The following TNKS variants were observed in gnomAD, a reference collection of about 807,000 sequenced individuals.
The protein encoded by TNKS is tankyrase.
In TNKS, 72 loss-of-function variants were observed where a neutral mutation model predicts 135.8. That is an observed-to-expected ratio of 0.53 (90% CI 0.44 to 0.64). The LOEUF is 0.64. Ranked by LOEUF, TNKS falls within the 30% of genes least tolerant of loss-of-function variation. TNKS has a pLI of 0.00. For missense variants in TNKS, 1,769 were observed against 1,674.0 expected, an observed-to-expected ratio of 1.06 and a Z score of -0.99; for synonymous variants, 849 against 649.3, an observed-to-expected ratio of 1.31 and a Z score of -4.68.
intron 12 of TNKS, among the ~76,000 whole-genome samples, chr8:9,725,106 C>G (rs552271076): frequency 2.6e-5 from 4 of 152,232 alleles, no homozygotes; most frequent in African/African-American, 9.6e-5. Context: ...AGCATCTTAC[C>G]TATAAATGCG....
At chr8:9,729,437 T>C (rs946867490) in intron 13 of TNKS, among the ~76,000 whole-genome samples, 6 of 152,226 alleles carry the variant, frequency 3.9e-5, no homozygotes, top group Non-Finnish European at 5.9e-5. Context: ...AATCGTCCTT[T>C]ATAGCCTAGA....
At chr8:9,597,398 G>A (rs1798830196) in intron 2 of TNKS, among the ~76,000 whole-genome samples, 1 of 152,204 alleles carries the variant, frequency 6.6e-6, no homozygotes, top group East Asian at 1.9e-4. Context: ...GTGAAGGGCT[G>A]ACATTCCCAT....
At position 9,580,333 on chromosome 8, in the gene TNKS, A is replaced by C. The variant is rs1427960915; in HGVS notation, c.848A>C (p.Tyr283Ser). 1.2e-6 allele frequency: 2 copies of C among 1,614,170 alleles called. No individual in the cohort carries two copies. The highest frequency in any genetic ancestry group is 1.7e-6 in the Non-Finnish European group (2 of 1,180,036). ...ADPNARDNWN[Y>S]TPLHEAAIKG... Reference sequence around the variant, plus strand: ...CCAAATGCCAGGGATAACTGGAACTATACACCTCTGCATGAAGCTGCTATT... The same window carrying C: ...CCAAATGCCAGGGATAACTGGAACTCTACACCTCTGCATGAAGCTGCTATT... The change falls in exon 2 of 27, where the codon TAT (tyrosine) becomes TCT (serine). Residue 283 changes from tyrosine to serine, a missense_variant. This residue lies in a region of TNKS where 523 missense variants were observed against 541.0 expected (regional missense o/e 0.97). Transcript: ENST00000310430.
chr8:9,611,450 TGTG>T (rs1361124653), intron 2 of TNKS, among the ~76,000 whole-genome samples: 1 of 152,262 alleles, frequency 6.6e-6, no homozygotes, highest in East Asian at 1.9e-4. Context: ...CATCAAGCAA[TGTG>T]GTACTTTTTC....
intron 3 of TNKS, among the ~76,000 whole-genome samples, chr8:9,635,054 C>T (rs1163809256): frequency 1.3e-5 from 2 of 152,082 alleles, no homozygotes; most frequent in Admixed American, 6.5e-5. Flanking sequence ...CCTGTAGGCG[C>T]GGCCACTCGG....
intron 8 of TNKS, among the ~76,000 whole-genome samples, chr8:9,708,010 G>A (rs1442360503): frequency 6.6e-6 from 1 of 152,110 alleles, no homozygotes; most frequent in African/African-American, 2.4e-5. Context: ...AGTGTATGTA[G>A]ACCTATCTCT....
chr8:9,668,367 A>G (rs1458204724), intron 3 of TNKS, among the ~76,000 whole-genome samples: 1 of 152,228 alleles, frequency 6.6e-6, no homozygotes. Context: ...TACATTGCAC[A>G]TTTGAACATA....
chr8:9,716,367 A>C (rs1563187264), intron 11 of TNKS, among the ~76,000 whole-genome samples: 1 of 152,162 alleles, frequency 6.6e-6, no homozygotes, highest in Non-Finnish European at 1.5e-5. Context: ...TTTACAGTGT[A>C]AATAATATCT....
At chr8:9,764,862 A>G in intron 23 of TNKS, 72 bp downstream of exon 23, 1 of 1,278,616 alleles carries the variant, frequency 7.8e-7, no homozygotes, top group Non-Finnish European at 1.1e-6. Flanking sequence ...AGACAATGAA[A>G]AAAGTTTATT....
At chr8:9,688,630 T>TTTTTCTTTTC in intron 5 of TNKS, among the ~76,000 whole-genome samples, 1 of 152,016 alleles carries the variant, frequency 6.6e-6, no homozygotes, top group Non-Finnish European at 1.5e-5. Context: ...GAGCAAGTTT[T>TTTTTCTTTTC]TTTTCTTTTC....
intron 11 of TNKS, among the ~76,000 whole-genome samples, chr8:9,714,466 G>T (rs1489851693): frequency 2.0e-5 from 3 of 151,874 alleles, no homozygotes; most frequent in Admixed American, 1.3e-4. Context: ...TATGTACTAT[G>T]TATTTCCCTT....
At chr8:9,747,971 C>A in intron 17 of TNKS, 53 bp from the exon 18 acceptor site, 1 of 1,517,518 alleles carries the variant, frequency 6.6e-7, no homozygotes, top group Non-Finnish European at 8.9e-7. Context: ...CACAATGGTG[C>A]TTTACCAGAT....
chr8:9,618,107 C>G (rs1323789053), intron 3 of TNKS, among the ~76,000 whole-genome samples: 2 of 151,562 alleles, frequency 1.3e-5, no homozygotes, highest in African/African-American at 4.9e-5. Flanking sequence ...CTGCCTCAGC[C>G]TCCCGAGTAG....
intron 3 of TNKS, among the ~76,000 whole-genome samples, chr8:9,645,113 C>T (rs1471519219): frequency 2.0e-5 from 3 of 151,892 alleles, no homozygotes; most frequent in Non-Finnish European, 4.4e-5. Context: ...ACAAGACAGG[C>T]GTAAGTCACC....
chr8:9,605,306 G>C (rs1474787913), intron 2 of TNKS, among the ~76,000 whole-genome samples: 2 of 151,952 alleles, frequency 1.3e-5, no homozygotes, highest in South Asian at 2.1e-4. Flanking sequence ...AAGTTTTGGA[G>C]ATTTCATCCC....
chr8:9,744,436 A>G (rs976786844), intron 17 of TNKS, among the ~76,000 whole-genome samples: 2 of 152,216 alleles, frequency 1.3e-5, no homozygotes, highest in East Asian at 3.8e-4. Context: ...GCCTCTGTAC[A>G]ATTAAATGGC....
chr8:9,556,782 G>C, intron 1 of TNKS, 170 bp downstream of exon 1: 1 of 627,642 alleles, frequency 1.6e-6, no homozygotes, highest in Non-Finnish European at 2.6e-6. Context: ...CTGGGTGATG[G>C]GGGCGTGGTT....
chr8:9,663,975 G>A (rs1192692975), intron 3 of TNKS, among the ~76,000 whole-genome samples: 1 of 152,198 alleles, frequency 6.6e-6, no homozygotes, highest in East Asian at 1.9e-4. Flanking sequence ...ATCAGGCATG[G>A]GGCTGAAAGT....
intron 2 of TNKS, among the ~76,000 whole-genome samples, chr8:9,604,035 G>A (rs1799125162): frequency 6.6e-6 from 1 of 152,016 alleles, no homozygotes; most frequent in Admixed American, 6.5e-5. Context: ...CTTTAAAAAT[G>A]CGAAATTTTG....
Sources: allele counts gnomAD v4.1 joint callset (sites outside exome capture counted in the v4.1 genomes callset), GRCh38; gene constraint gnomAD v4.1.1; regional missense constraint gnomAD v4.1.1; transcripts MANE v1.5; gene names NCBI Gene and HGNC (gene_info 2026-07-23, HGNC 2026-07-21).